ANXA8: variants seen among roughly 807,000 people sequenced by gnomAD.
ANXA8 encodes the protein VAC-beta.
ANXA8 carries 9 observed loss-of-function variants against 26.8 expected under a neutral mutation model. That is an observed-to-expected ratio of 0.34 (90% CI 0.20 to 0.59). The LOEUF (loss-of-function observed/expected upper bound fraction) is 0.59, where lower values mean the gene tolerates loss of function less well. ANXA8 is among the 20% of genes least tolerant of loss of function. ANXA8 has a pLI of 0.84. For missense variants in ANXA8, 83 were observed against 238.5 expected (o/e 0.35, Z 4.29); for synonymous variants, 39 against 94.8 (o/e 0.41, Z 3.42).
chr10:47,522,031 C>T, the ANXA8 span, among the ~76,000 whole-genome samples: 1 of 150,952 alleles, frequency 6.6e-6, no homozygotes, highest in Non-Finnish European at 1.5e-5. Flanking sequence ...AGGTGATCCG[C>T]CTGCCACAGC....
At chr10:47,502,232 G>A in the ANXA8 span, 20 of 1,581,634 alleles carry the variant, frequency 1.3e-5, 3 homozygotes, top group East Asian at 5.3e-5. Flanking sequence ...TTCCCCTTGC[G>A]GCAGGCCAGA....
At chr10:47,718,074 C>T in the ANXA8 span, among the ~76,000 whole-genome samples, 1 of 151,468 alleles carries the variant, frequency 6.6e-6, no homozygotes, top group Non-Finnish European at 1.5e-5. Context: ...CTGTTGGGTA[C>T]TCTGCCTACT....
At chr10:47,755,555 C>CTTTTT in the ANXA8 span, among the ~76,000 whole-genome samples, 20 of 82,982 alleles carry the variant, frequency 2.4e-4, 1 homozygote, top group East Asian at 8.1e-4. Flanking sequence ...GTGCCCGGCC[C>CTTTTT]TTTTTTTTTT....
chr10:47,667,181 T>C, the ANXA8 span, among the ~76,000 whole-genome samples: 10 of 152,152 alleles, frequency 6.6e-5, no homozygotes, highest in African/African-American at 2.2e-4. Flanking sequence ...CTCTTATGTC[T>C]TCCTGTTTCA....
the ANXA8 span, among the ~76,000 whole-genome samples, chr10:47,615,227 T>A: frequency 1.4e-5 from 1 of 74,066 alleles, no homozygotes; most frequent in African/African-American, 3.9e-5. Context: ...GAAATTGCAA[T>A]CGTCATGTGT....
the ANXA8 span, among the ~76,000 whole-genome samples, chr10:47,555,182 C>T: frequency 1.0e-5 from 1 of 100,160 alleles, no homozygotes; most frequent in African/African-American, 3.4e-5. Context: ...CCAGCAGGTC[C>T]CACTCCTCTC....
At chr10:47,982,216 A>G in the ANXA8 span, among the ~76,000 whole-genome samples, 2 of 149,696 alleles carry the variant, frequency 1.3e-5, no homozygotes, top group African/African-American at 4.9e-5. Flanking sequence ...CTTGAGCCCA[A>G]GAGGTCTATG....
At chr10:47,778,139 G>T in the ANXA8 span, among the ~76,000 whole-genome samples, 3 of 150,420 alleles carry the variant, frequency 2.0e-5, no homozygotes, top group Non-Finnish European at 1.5e-5. Context: ...AAATGCTCGG[G>T]GCCAGAGTGT....
At chr10:47,777,587 A>G in the ANXA8 span, among the ~76,000 whole-genome samples, 2 of 152,222 alleles carry the variant, frequency 1.3e-5, no homozygotes, top group African/African-American at 4.8e-5. Flanking sequence ...AGGGAAAAAC[A>G]CACCCACCAA....
chr10:47,671,074 C>T, the ANXA8 span, among the ~76,000 whole-genome samples: 20 of 151,852 alleles, frequency 1.3e-4, 1 homozygote, highest in East Asian at 5.8e-4. Context: ...CACCAATAAC[C>T]ACAGTCAAAA....
the ANXA8 span, among the ~76,000 whole-genome samples, chr10:47,640,087 C>A: frequency 7.3e-6 from 1 of 137,410 alleles, no homozygotes; most frequent in African/African-American, 3.1e-5. Context: ...CCACTGCACC[C>A]AGCTGAGAAG....
At chr10:47,544,872 CTATT>C in the ANXA8 span, among the ~76,000 whole-genome samples, 1 of 111,182 alleles carries the variant, frequency 9.0e-6, no homozygotes, top group South Asian at 2.9e-4. Flanking sequence ...CTGATGTACT[CTATT>C]AAGTCCCGAC....
At chr10:47,603,375 G>A in the ANXA8 span, among the ~76,000 whole-genome samples, 1 of 149,890 alleles carries the variant, frequency 6.7e-6, no homozygotes, top group Non-Finnish European at 1.5e-5. Context: ...AGAAAGCCAG[G>A]CACTGATAAG....
At chr10:47,754,973 TTTTTG>T in the ANXA8 span, among the ~76,000 whole-genome samples, 1 of 126,278 alleles carries the variant, frequency 7.9e-6, no homozygotes, top group Non-Finnish European at 1.7e-5. Flanking sequence ...CTTTTTTTTT[TTTTTG>T]ACAGAGTCTC....
chr10:47,528,383 TAAAA>T, the ANXA8 span, among the ~76,000 whole-genome samples: 5 of 107,262 alleles, frequency 4.7e-5, no homozygotes, highest in African/African-American at 1.6e-4. Context: ...CGGCTAGACT[TAAAA>T]AAAAAAAAAA....
At chr10:47,715,945 G>C in the ANXA8 span, 1 of 1,017,074 alleles carries the variant, frequency 9.8e-7, no homozygotes, top group Non-Finnish European at 1.4e-6. Context: ...ATACAGTGGT[G>C]TGAACACAGC....
the ANXA8 span, among the ~76,000 whole-genome samples, chr10:47,686,280 G>A: frequency 5.5e-5 from 8 of 144,560 alleles, no homozygotes; most frequent in Admixed American, 5.7e-4. Context: ...GTGCAGTGGT[G>A]TGATCTCAGC....
chr10:47,763,492 G>T, the ANXA8 span: 1 of 596,160 alleles, frequency 1.7e-6, no homozygotes, highest in African/African-American at 2.0e-5. Context: ...CGGAGGAGCG[G>T]CGCGGCCCAG....
At chr10:47,645,961 A>C in the ANXA8 span, among the ~76,000 whole-genome samples, 2 of 149,000 alleles carry the variant, frequency 1.3e-5, no homozygotes, top group Non-Finnish European at 2.9e-5. Context: ...TCCATCATGC[A>C]GGCAGGAGAT....
Sources: gnomAD v4.1 joint callset for allele counts (sites outside exome capture counted in the v4.1 genomes callset) on GRCh38, gnomAD v4.1.1 for gene constraint, MANE v1.5 for transcripts, NCBI Gene and HGNC (gene_info 2026-07-23, HGNC 2026-07-21) for gene names.